TAS2R1: variants seen among roughly 807,000 people sequenced by gnomAD.
TAS2R1 encodes taste receptor type 2 member 1.
For missense variants in TAS2R1, 370 were observed against 353.4 expected (o/e 1.05, Z -0.38); for synonymous variants, 141 against 134.2 (o/e 1.05, Z -0.35).
the TAS2R1 span, among the ~76,000 whole-genome samples, chr5:9,780,002 A>T: frequency 6.6e-6 from 1 of 152,234 alleles, no homozygotes; most frequent in East Asian, 1.9e-4. Flanking sequence ...TTTCTGTGAA[A>T]GGCCAATCTT....
the TAS2R1 span, among the ~76,000 whole-genome samples, chr5:9,737,974 G>A: frequency 6.6e-6 from 1 of 152,148 alleles, no homozygotes; most frequent in African/African-American, 2.4e-5. Context: ...TGCATTTTGA[G>A]GATGACAGAG....
At chr5:9,774,630 A>C in the TAS2R1 span, among the ~76,000 whole-genome samples, 1 of 152,358 alleles carries the variant, frequency 6.6e-6, no homozygotes, top group Admixed American at 6.5e-5. Context: ...TTGGTCATGT[A>C]GCCATATCTG....
At chr5:9,828,577 G>A in the TAS2R1 span, among the ~76,000 whole-genome samples, 43,371 of 152,124 alleles carry the variant, frequency 0.29, 6,940 homozygotes, top group Non-Finnish European at 0.37. Flanking sequence ...TTGTTCATGG[G>A]TAACAAAGTA....
chr5:9,763,300 C>T, the TAS2R1 span, among the ~76,000 whole-genome samples: 2 of 152,054 alleles, frequency 1.3e-5, no homozygotes, highest in African/African-American at 2.4e-5. Flanking sequence ...GTCAAGAGAT[C>T]GAGACCATCC....
At chr5:9,722,211 A>G in the TAS2R1 span, among the ~76,000 whole-genome samples, 1 of 152,222 alleles carries the variant, frequency 6.6e-6, no homozygotes, top group African/African-American at 2.4e-5. Context: ...AGGACCCCCC[A>G]CAGGGGACCC....
the TAS2R1 span, chr5:9,862,799 G>C: frequency 6.6e-6 from 1 of 152,208 alleles, no homozygotes; most frequent in Admixed American, 6.5e-5. Flanking sequence ...GTTTTTAGTA[G>C]AGAGAGTTTC....
intron 2 of TAS2R1, among the ~76,000 whole-genome samples, chr5:9,649,906 G>A (rs1040856295): frequency 1.3e-5 from 2 of 152,134 alleles, no homozygotes; most frequent in Non-Finnish European, 2.9e-5. Context: ...CCAAAACTGA[G>A]AATACTTAAC....
intron 2 of TAS2R1, among the ~76,000 whole-genome samples, chr5:9,655,910 C>CA (rs1740408810): frequency 1.3e-5 from 2 of 149,960 alleles, no homozygotes; most frequent in Non-Finnish European, 3.0e-5. Context: ...CACTGATTCT[C>CA]AACTCAATGC....
chr5:9,762,220 C>A, the TAS2R1 span, among the ~76,000 whole-genome samples: 56 of 152,272 alleles, frequency 3.7e-4, no homozygotes, highest in African/African-American at 1.3e-3. Context: ...ATCCTGTAAG[C>A]TTTTCACTCT....
At chr5:9,689,741 G>A (rs1395477482) in intron 1 of TAS2R1, among the ~76,000 whole-genome samples, 2 of 151,742 alleles carry the variant, frequency 1.3e-5, no homozygotes, top group African/African-American at 2.4e-5. Flanking sequence ...AATATTAAAC[G>A]TTTTTTCTAG....
chr5:9,693,607 C>A (rs1741298353), intron 1 of TAS2R1, among the ~76,000 whole-genome samples: 1 of 146,334 alleles, frequency 6.8e-6, no homozygotes, highest in Non-Finnish European at 1.5e-5. Flanking sequence ...TTTGCAAAAG[C>A]TTCCTCAAGT....
chr5:9,809,532 A>T, the TAS2R1 span, among the ~76,000 whole-genome samples: 1 of 152,070 alleles, frequency 6.6e-6, no homozygotes, highest in Non-Finnish European at 1.5e-5. Context: ...AGCCAGGAAG[A>T]GGGCCCTCAC....
the TAS2R1 span, among the ~76,000 whole-genome samples, chr5:9,722,838 C>T: frequency 3.9e-5 from 6 of 152,250 alleles, no homozygotes; most frequent in African/African-American, 1.4e-4. Flanking sequence ...CTGGCACCAT[C>T]ACTCCAGATG....
At chr5:9,731,170 C>T in the TAS2R1 span, among the ~76,000 whole-genome samples, 15 of 152,170 alleles carry the variant, frequency 9.9e-5, no homozygotes, top group South Asian at 1.7e-3. Flanking sequence ...CACGCCCAAG[C>T]CCTGCTGACA....
At chr5:9,733,659 C>T in the TAS2R1 span, among the ~76,000 whole-genome samples, 7 of 152,220 alleles carry the variant, frequency 4.6e-5, no homozygotes, top group East Asian at 7.7e-4. Context: ...GCTTGAAGCT[C>T]GTGTGGAAAA....
At chr5:9,815,478 A>G in the TAS2R1 span, among the ~76,000 whole-genome samples, 1 of 152,170 alleles carries the variant, frequency 6.6e-6, no homozygotes, top group Non-Finnish European at 1.5e-5. Flanking sequence ...ATAATCTCCT[A>G]TCTTTTTATT....
upstream of TAS2R1, among the ~76,000 whole-genome samples, chr5:9,714,911 T>G (rs1734772824): frequency 6.6e-6 from 1 of 152,256 alleles, no homozygotes; most frequent in African/African-American, 2.4e-5. Flanking sequence ...GTACATACAG[T>G]ATCTATATAC....
chr5:9,839,176 C>T, the TAS2R1 span, among the ~76,000 whole-genome samples: 4 of 152,174 alleles, frequency 2.6e-5, no homozygotes, highest in African/African-American at 4.8e-5. Context: ...TTCTCAAGAG[C>T]TTAGAGCTTT....
the TAS2R1 span, among the ~76,000 whole-genome samples, chr5:9,730,147 T>C: frequency 3.3e-3 from 507 of 152,364 alleles, 1 homozygote; most frequent in African/African-American, 0.011. Flanking sequence ...GTATTAATTT[T>C]ACGAAAGATA....
Sources: allele counts gnomAD v4.1 joint callset (sites outside exome capture counted in the v4.1 genomes callset), GRCh38; gene constraint gnomAD v4.1.1; transcripts MANE v1.5; gene names NCBI Gene and HGNC (gene_info 2026-07-23, HGNC 2026-07-21).